Variants in RFX7 observed in about 807,000 individuals in gnomAD.
The protein encoded by RFX7 is regulatory factor X7.
Under a neutral mutation model 111.8 loss-of-function variants are expected in RFX7, and 26 were observed. That is an observed-to-expected ratio of 0.23 (90% confidence interval 0.17 to 0.32). The LOEUF is 0.32. Among genes scored for constraint, RFX7 ranks in the 10% least tolerant of loss-of-function variants. The pLI is 1.00. For synonymous variants in RFX7, 624 were observed against 624.4 expected, an observed-to-expected ratio of 1.00 and a Z score of 0.01; for missense variants, 1,573 against 1,772.9, an observed-to-expected ratio of 0.89 and a Z score of 2.02.
At chr15:56,187,692 A>T (rs560870797) in intron 2 of RFX7, among the ~76,000 whole-genome samples, 30 of 152,208 alleles carry the variant, frequency 2.0e-4, no homozygotes, top group Non-Finnish European at 4.0e-4. Context: ...GAATGACCCT[A>T]GTTTGAGGAA....
At chr15:56,220,877 A>T (rs1475436297) in intron 2 of RFX7, among the ~76,000 whole-genome samples, 1 of 152,198 alleles carries the variant, frequency 6.6e-6, no homozygotes, top group Non-Finnish European at 1.5e-5. Context: ...AAATGGGTCC[A>T]GTTTCAATTC....
chr15:56,213,025 C>T (rs1267796791), intron 2 of RFX7, among the ~76,000 whole-genome samples: 1 of 152,072 alleles, frequency 6.6e-6, no homozygotes, highest in Non-Finnish European at 1.5e-5. Flanking sequence ...ATGCCAAATA[C>T]TGGCAAGGAT....
At chr15:56,100,347 T>C (rs1247456823) in intron 8 of RFX7, among the ~76,000 whole-genome samples, 1 of 152,206 alleles carries the variant, frequency 6.6e-6, no homozygotes, top group Admixed American at 6.5e-5. Context: ...ACAGTTTACA[T>C]GCAGACAGGA....
Position 56,103,644 on chromosome 15 carries a change from T to C in RFX7, c.428A>G (p.His143Arg). The change falls in exon 6 of 10, where the codon CAT becomes CGT. Residue 143 changes from histidine to arginine, a missense_variant. Around this residue, in one of 7 missense-constraint regions of RFX7, gnomAD observed 191 missense variants for 194.2 expected, o/e 0.98. Transcript: ENST00000559447. ...YKSYCDNLGYHPLSAADFGKI... is the reference protein window; with the variant it reads ...YKSYCDNLGYRPLSAADFGKI... ...TCCAAAATCAGCAGCACTTAATGGA[T>C]GGTAACCAAGATTGTCACAATAGCT... The C allele has an allele frequency of 6.3e-7, 1 of 1,598,572 alleles. No individual in the cohort carries two copies. The highest frequency in any genetic ancestry group is 8.5e-7 in the Non-Finnish European group (1 of 1,171,722).
chr15:56,106,202 T>C (rs1341536452), intron 5 of RFX7, among the ~76,000 whole-genome samples: 1 of 152,250 alleles, frequency 6.6e-6, no homozygotes, highest in Non-Finnish European at 1.5e-5. Flanking sequence ...AATTTGTTTT[T>C]CAATACAATT....
In RFX7 at chr15:56,181,026, C is replaced by T. The variant is rs796151192; in HGVS notation, c.162-1723G>A. Among the ~76,000 whole-genome samples, 28 of 152,344 alleles carry T rather than the reference C, an allele frequency of 1.8e-4. 1 individual carries two copies. The highest frequency in any genetic ancestry group is 6.3e-4 in the African/African-American group (26 of 41,578). On this transcript the variant is annotated intron_variant, in intron 2 of 9. Transcript: ENST00000559447. ...CTTTGCCCTATCACCAACCACCACA[C>T]CCTGTGGGCTACTCCCAACAAAGTG...
At chr15:56,115,919 G>C (rs1253756238) in intron 5 of RFX7, among the ~76,000 whole-genome samples, 1 of 150,318 alleles carries the variant, frequency 6.7e-6, no homozygotes, top group Admixed American at 6.6e-5. Flanking sequence ...TCCAGCCTGG[G>C]CCAACAGAGC....
intron 5 of RFX7, among the ~76,000 whole-genome samples, chr15:56,117,567 A>G (rs1216655591): frequency 6.6e-6 from 1 of 152,158 alleles, no homozygotes. Context: ...TTTCAGTACT[A>G]TACAATTTAT....
intron 2 of RFX7, among the ~76,000 whole-genome samples, chr15:56,193,824 T>C (rs371889234): frequency 2.4e-4 from 36 of 152,264 alleles, no homozygotes; most frequent in Middle Eastern, 3.4e-3. Flanking sequence ...AGGGTGAAGC[T>C]AGATAAAGCT....
chr15:56,167,282 C>T (rs1042188504), intron 3 of RFX7, among the ~76,000 whole-genome samples: 2 of 152,044 alleles, frequency 1.3e-5, no homozygotes, highest in African/African-American at 4.8e-5. Context: ...CACTGCACTC[C>T]AAACTGGGTG....
intron 3 of RFX7, among the ~76,000 whole-genome samples, chr15:56,168,198 C>T (rs2042804913): frequency 6.6e-6 from 1 of 152,144 alleles, no homozygotes; most frequent in African/African-American, 2.4e-5. Context: ...GACACATTAA[C>T]CTCACAGGCA....
intron 2 of RFX7, among the ~76,000 whole-genome samples, chr15:56,208,120 T>C (rs2043274026): frequency 6.6e-6 from 1 of 152,210 alleles, no homozygotes; most frequent in Non-Finnish European, 1.5e-5. Context: ...CTCCTCTGAA[T>C]ATTGGAGATA....
intron 5 of RFX7, among the ~76,000 whole-genome samples, chr15:56,131,568 T>G (rs2042218741): frequency 6.6e-6 from 1 of 152,182 alleles, no homozygotes; most frequent in Non-Finnish European, 1.5e-5. Context: ...CTATATTAAG[T>G]AATATCTTTA....
intron 5 of RFX7, among the ~76,000 whole-genome samples, chr15:56,140,664 C>T (rs551156494): frequency 3.8e-4 from 58 of 152,300 alleles, no homozygotes; most frequent in African/African-American, 1.3e-3. Context: ...TTGCTCTCTA[C>T]TGAACTGTAA....
At chr15:56,177,165 G>T (rs1032462821) in intron 3 of RFX7, among the ~76,000 whole-genome samples, 8 of 151,978 alleles carry the variant, frequency 5.3e-5, no homozygotes, top group African/African-American at 1.9e-4. Context: ...TGTACCTACT[G>T]TTCCTTCTAC....
rs2140513025 is a variant in RFX7 at position 56,095,264 on chromosome 15, C to A, written c.2464G>T (p.Glu822Ter). Residue 822 changes from glutamate (E) to a stop codon, truncating the protein, a stop_gained, in exon 10 of 10, where the codon GAA becomes TAA. Coordinates refer to ENST00000559447, the MANE Select transcript of RFX7 (RefSeq NM_022841.7). LOFTEE classifies it high-confidence loss of function. ...GTGTCCTGTGGCATTCCTTCTAATT[C>A]CCAAACAGATTTCTCTAAGTCATTG... ...DINDLEKSVWELEGMPQDTYS... is the reference protein window; with the variant it reads ...DINDLEKSVW The A allele has an allele frequency of 6.2e-7, 1 of 1,613,878 alleles. No individual in the cohort carries two copies. The highest frequency in any genetic ancestry group is 8.5e-7 in the Non-Finnish European group (1 of 1,179,830).
At chr15:56,148,715 G>A (rs940763049) in intron 3 of RFX7, among the ~76,000 whole-genome samples, 8 of 152,214 alleles carry the variant, frequency 5.3e-5, no homozygotes, top group African/African-American at 1.2e-4. Context: ...CCACTTTGCA[G>A]TTAGCTTGTA....
intron 2 of RFX7, among the ~76,000 whole-genome samples, chr15:56,190,371 C>T (rs1016202664): frequency 1.3e-5 from 2 of 152,162 alleles, no homozygotes; most frequent in Non-Finnish European, 1.5e-5. Context: ...AAGGAAATAT[C>T]ACTTCTCAAG....
At chr15:56,121,533 T>C (rs1352461862) in intron 5 of RFX7, among the ~76,000 whole-genome samples, 1 of 152,236 alleles carries the variant, frequency 6.6e-6, no homozygotes, top group Non-Finnish European at 1.5e-5. Flanking sequence ...CTTGCTTTTC[T>C]GTAACTTTCT....
Sources: gnomAD v4.1 joint callset for allele counts (sites outside exome capture counted in the v4.1 genomes callset) on GRCh38, gnomAD v4.1.1 for gene constraint, gnomAD v4.1.1 regional missense constraint, MANE v1.5 for transcripts, NCBI Gene and HGNC (gene_info 2026-07-23, HGNC 2026-07-21) for gene names.